TRPM8: variants seen among roughly 807,000 people sequenced by gnomAD.
The protein encoded by TRPM8 is TRPM8 cationic channel.
Under a neutral mutation model 133.7 loss-of-function variants are expected in TRPM8, and 110 were observed. The ratio of observed to expected loss-of-function variants is 0.82; its 90% CI spans 0.70 to 0.96. The LOEUF (loss-of-function observed/expected upper bound fraction) is 0.96. TRPM8 is among the 40% of genes least tolerant of loss of function. The pLI, the probability that TRPM8 is intolerant of heterozygous loss-of-function variation, is 0.00. For missense variants in TRPM8, 1,291 were observed against 1,379.5 expected (o/e 0.94, Z 1.02); for synonymous variants, 535 against 532.3 (o/e 1.01, Z -0.07).
At chr2:233,943,384 A>C (rs1374337519) in intron 6 of TRPM8, among the ~76,000 whole-genome samples, 2 of 152,188 alleles carry the variant, frequency 1.3e-5, no homozygotes, top group African/African-American at 4.8e-5. Flanking sequence ...AATACTATGC[A>C]GCCACAAAAA....
intron 12 of TRPM8, among the ~76,000 whole-genome samples, chr2:233,962,791 C>T (rs1230981599): frequency 2.6e-5 from 4 of 152,154 alleles, no homozygotes; most frequent in Admixed American, 6.5e-5. Flanking sequence ...AAAAGTTTCC[C>T]TTGAAAGGTA....
intron 10 of TRPM8, among the ~76,000 whole-genome samples, chr2:233,954,251 C>A (rs556225507): frequency 6.6e-6 from 1 of 152,136 alleles, no homozygotes; most frequent in Non-Finnish European, 1.5e-5. Flanking sequence ...ACTGGTCAAA[C>A]AAAATCGCAG....
intron 15 of TRPM8, among the ~76,000 whole-genome samples, chr2:233,967,125 TG>T (rs1256719115): frequency 6.6e-6 from 1 of 152,172 alleles, no homozygotes; most frequent in Non-Finnish European, 1.5e-5. Context: ...ATCTACAAAA[TG>T]GGGATAGCAG....
rs138257844 is a variant in TRPM8 at position 233,976,845 on chromosome 2, G to A, written c.2356-3343G>A. 4.3e-3 allele frequency among the ~76,000 whole-genome samples: 647 copies of A among 152,216 alleles called. 4 individuals carry two copies. The highest frequency in any genetic ancestry group is 0.014 in the African/African-American group (601 of 41,538). ...GAACATAGCCATGGAGATTCTTATC[G>A]TTAAAATAATCCGACACTTGGGGTC... On this transcript the variant is annotated intron_variant, in intron 17 of 25. Coordinates refer to ENST00000324695, the MANE Select transcript of TRPM8 (RefSeq NM_024080.5).
intron 20 of TRPM8, among the ~76,000 whole-genome samples, chr2:233,984,238 T>C (rs1574760644): frequency 6.6e-6 from 1 of 152,292 alleles, no homozygotes; most frequent in East Asian, 1.9e-4. Flanking sequence ...CCATCTTCTC[T>C]ACAGGGCCTC....
In TRPM8 at chr2:233,964,580, AAAGG is replaced by A; in HGVS notation, c.1750-45_1750-42del. The A allele has an allele frequency of 2.9e-6, 4 of 1,390,350 alleles. No homozygotes were observed. The South Asian group carries it at 5.2e-5, about 18-fold the overall frequency. 86.1% of individuals were successfully genotyped at this position (1,390,350 alleles called of 1,614,324 possible). ...AAAAAAAAAAAAAAAAAAAAAAAGA[AAAGG>A]AAAAAAAAGAATTAACCTTAAAATT... On this transcript the variant is annotated intron_variant, in intron 13 of 25. Coordinates refer to ENST00000324695, the MANE Select transcript of TRPM8 (RefSeq NM_024080.5).
In TRPM8 at chr2:233,966,108, C is replaced by T. The variant is rs147924735; in HGVS notation, c.1880-502C>T. On this transcript the variant is annotated intron_variant, in intron 14 of 25. Transcript: ENST00000324695. The stretch of plus-strand genomic sequence containing the variant: ...CAGGTGATCCACACTCCTCGGCCTC[C>T]CAAAGTGCTGGGATTACAGGTGTGA... The T allele has an allele frequency of 2.7e-3, 411 of 154,462 alleles. 1 individual carries two copies. The highest frequency in any genetic ancestry group is 5.6e-3 in the African/African-American group (231 of 41,578). 9.6% of individuals were successfully genotyped at this position (154,462 alleles called of 1,614,324 possible). A position where few individuals can be genotyped will look rare whatever the true frequency, so the allele number is the denominator to read the frequency against.
chr2:233,980,871 C>T (rs72974112), intron 18 of TRPM8, among the ~76,000 whole-genome samples: 26,069 of 152,106 alleles, frequency 0.17, 2,878 homozygotes, highest in Admixed American at 0.26. Flanking sequence ...TTTGCATTGC[C>T]TAGCCTGCAT....
At chr2:233,987,922 A>T (rs918083288) in intron 21 of TRPM8, among the ~76,000 whole-genome samples, 1 of 150,382 alleles carries the variant, frequency 6.6e-6, no homozygotes, top group Non-Finnish European at 1.5e-5. Flanking sequence ...GCCTTCCATC[A>T]TGATTGTGAG....
chr2:233,933,407 T>C (rs1326375639), intron 3 of TRPM8, among the ~76,000 whole-genome samples: 2 of 152,232 alleles, frequency 1.3e-5, no homozygotes. Flanking sequence ...GGCTACCATA[T>C]TGGACGGTGT....
At chr2:233,925,064 C>T (rs759833966) in intron 1 of TRPM8, among the ~76,000 whole-genome samples, 12 of 152,104 alleles carry the variant, frequency 7.9e-5, no homozygotes, top group African/African-American at 1.7e-4. Context: ...GAGTCATGGC[C>T]CCCTGGGCTG....
At chr2:233,928,430 C>A (rs1691613934) in intron 2 of TRPM8, among the ~76,000 whole-genome samples, 1 of 152,088 alleles carries the variant, frequency 6.6e-6, no homozygotes, top group East Asian at 1.9e-4. Context: ...CCTTTTTGCC[C>A]CCTAAGCACA....
At chr2:233,983,314 C>T (rs1173154716) in intron 20 of TRPM8, 90 bp downstream of exon 20, 3 of 1,438,578 alleles carry the variant, frequency 2.1e-6, no homozygotes, top group East Asian at 4.6e-5. Flanking sequence ...GACCGCACTT[C>T]AGAAGCACGC....
At chr2:234,008,003 A>G in intron 23 of TRPM8, 67 bp from the exon 24 acceptor site, 1 of 1,451,786 alleles carries the variant, frequency 6.9e-7, no homozygotes, top group Non-Finnish European at 9.5e-7. Flanking sequence ...TGCAAAATGG[A>G]GCCTAATAGC....
At chr2:233,992,304 AT>A (rs1692299585) in intron 21 of TRPM8, among the ~76,000 whole-genome samples, 1 of 150,454 alleles carries the variant, frequency 6.6e-6, no homozygotes, top group South Asian at 2.1e-4. Flanking sequence ...TCAGAAAAGG[AT>A]GTTATATGTT....
chr2:233,936,926 T>A (rs1690759364), intron 3 of TRPM8, among the ~76,000 whole-genome samples: 1 of 138,800 alleles, frequency 7.2e-6, no homozygotes, highest in Non-Finnish European at 1.5e-5. Context: ...AGAGGGAGTC[T>A]TGCTCTGTCA....
rs758554216 is a variant in TRPM8 at position 233,963,388 on chromosome 2, A to T, written c.1749+11A>T. 1.9e-6 allele frequency: 3 copies of T among 1,558,800 alleles called. No homozygotes were observed. Among genetic ancestry groups the T allele is most frequent in the Admixed American group, 1.7e-5 (1 of 59,232 alleles). ...GTCATTTGGGAGCAGGTAAGTGCCC[A>T]AGCCCACATCAGATTTACACCAAAT... On this transcript the variant is annotated intron_variant, in intron 13 of 25. Coordinates refer to ENST00000324695, the MANE Select transcript of TRPM8 (RefSeq NM_024080.5).
intron 17 of TRPM8, among the ~76,000 whole-genome samples, chr2:233,974,416 T>C (rs1391246932): frequency 6.6e-6 from 1 of 152,116 alleles, no homozygotes; most frequent in East Asian, 1.9e-4. Flanking sequence ...GTATTTTTAG[T>C]AGAGACGGGG....
At chr2:233,975,687 C>G (rs1350393227) in intron 17 of TRPM8, among the ~76,000 whole-genome samples, 1 of 152,222 alleles carries the variant, frequency 6.6e-6, no homozygotes, top group Non-Finnish European at 1.5e-5. Flanking sequence ...TCGAGACCAG[C>G]CTGGCCAACA....
Sources: gnomAD v4.1 joint callset for allele counts (sites outside exome capture counted in the v4.1 genomes callset) on GRCh38, gnomAD v4.1.1 for gene constraint, MANE v1.5 for transcripts, NCBI Gene and HGNC (gene_info 2026-07-23, HGNC 2026-07-21) for gene names.